Variants in CIMAP1D observed in about 807,000 individuals in gnomAD.
CIMAP1D encodes the protein protein CIMAP1D.
chr19:477,218 AGAGT>A, the CIMAP1D span, among the ~76,000 whole-genome samples: 1 of 152,198 alleles, frequency 6.6e-6, no homozygotes, highest in Non-Finnish European at 1.5e-5. Context: ...TAGGAAAACA[AGAGT>A]AAGTATAAGG....
chr19:489,584 C>T, the CIMAP1D span: 1 of 156,326 alleles, frequency 6.4e-6, no homozygotes, highest in Non-Finnish European at 1.4e-5. Context: ...TCGATCCAGC[C>T]CGGGTGTGCT....
At chr19:485,748 C>T in the CIMAP1D span, among the ~76,000 whole-genome samples, 2 of 152,232 alleles carry the variant, frequency 1.3e-5, no homozygotes, top group Non-Finnish European at 2.9e-5. Flanking sequence ...TCCCAGGAGG[C>T]CGGGTTCCTC....
chr19:476,469 C>T, the CIMAP1D span, among the ~76,000 whole-genome samples: 8 of 152,148 alleles, frequency 5.3e-5, no homozygotes, highest in Non-Finnish European at 1.0e-4. Context: ...GGATTACAAG[C>T]GTAAGCCACC....
chr19:474,378 C>T, the CIMAP1D span, among the ~76,000 whole-genome samples: 279 of 152,364 alleles, frequency 1.8e-3, no homozygotes, highest in African/African-American at 6.4e-3. Flanking sequence ...GTACCCACAG[C>T]CCCTGGAAGG....
At chr19:474,028 A>C in the CIMAP1D span, among the ~76,000 whole-genome samples, 75 of 151,716 alleles carry the variant, frequency 4.9e-4, no homozygotes, top group Non-Finnish European at 8.8e-5. Flanking sequence ...AGATGGGGAG[A>C]CTGAGGCCTG....
chr19:468,448 T>G, the CIMAP1D span, among the ~76,000 whole-genome samples: 1 of 152,122 alleles, frequency 6.6e-6, no homozygotes, highest in Non-Finnish European at 1.5e-5. Flanking sequence ...GCAGGTCGCA[T>G]GCTTAAGAGG....
the CIMAP1D span, among the ~76,000 whole-genome samples, chr19:481,033 G>GA: frequency 6.8e-6 from 1 of 147,628 alleles, no homozygotes; most frequent in Non-Finnish European, 1.5e-5. Flanking sequence ...GAGAAGGAAT[G>GA]TGGGAAGGAT....
the CIMAP1D span, chr19:490,131 G>A: frequency 5.1e-6 from 2 of 389,172 alleles, no homozygotes; most frequent in Non-Finnish European, 9.1e-6. Context: ...CGAGGCAGGT[G>A]GATCACCTGA....
the CIMAP1D span, chr19:463,479 G>C: frequency 2.4e-5 from 8 of 333,400 alleles, no homozygotes; most frequent in East Asian, 5.7e-4. Context: ...CCCAAGCTGT[G>C]ATGGGGATCC....
chr19:476,588 A>T, the CIMAP1D span, among the ~76,000 whole-genome samples: 1 of 152,222 alleles, frequency 6.6e-6, no homozygotes, highest in Non-Finnish European at 1.5e-5. Context: ...CATGTTTTAA[A>T]ATTTTTTAAT....
At chr19:487,488 G>A in the CIMAP1D span, among the ~76,000 whole-genome samples, 6 of 152,286 alleles carry the variant, frequency 3.9e-5, no homozygotes, top group Middle Eastern at 3.4e-3. Flanking sequence ...TTAAAACAAC[G>A]CTTGGCATAC....
the CIMAP1D span, chr19:467,683 A>G: frequency 1.6e-5 from 26 of 1,612,258 alleles, 1 homozygote; most frequent in African/African-American, 1.1e-4. Flanking sequence ...TGGAGTAGGC[A>G]GGGGTGCAGC....
chr19:479,193 C>G, the CIMAP1D span, among the ~76,000 whole-genome samples: 5 of 152,174 alleles, frequency 3.3e-5, no homozygotes, highest in Admixed American at 6.5e-5. Flanking sequence ...TGAGGGCCAT[C>G]ACCACCCAGG....
At chr19:487,201 G>A in the CIMAP1D span, among the ~76,000 whole-genome samples, 8 of 152,302 alleles carry the variant, frequency 5.3e-5, no homozygotes, top group African/African-American at 1.7e-4. Flanking sequence ...TGAGCCCACT[G>A]TGAAGTTCGC....
chr19:486,980 G>A, the CIMAP1D span, among the ~76,000 whole-genome samples: 1 of 152,046 alleles, frequency 6.6e-6, no homozygotes, highest in Non-Finnish European at 1.5e-5. Context: ...TCAAACTCCT[G>A]ACCTCAAGTG....
the CIMAP1D span, among the ~76,000 whole-genome samples, chr19:485,963 T>C: frequency 0.033 from 5,083 of 152,288 alleles, 139 homozygotes; most frequent in East Asian, 0.1. Flanking sequence ...CGCGCCCTGC[T>C]GCTGCCCGCC....
chr19:484,451 T>C, the CIMAP1D span, among the ~76,000 whole-genome samples: 1 of 152,184 alleles, frequency 6.6e-6, no homozygotes, highest in Admixed American at 6.5e-5. Flanking sequence ...TCTTGTTTTA[T>C]TTTTGACACA....
the CIMAP1D span, among the ~76,000 whole-genome samples, chr19:466,929 G>T: frequency 1.0e-5 from 1 of 99,928 alleles, no homozygotes; most frequent in East Asian, 2.5e-4. Context: ...ATAGATGGTT[G>T]GGTGGAGGGT....
At chr19:471,081 C>T in the CIMAP1D span, among the ~76,000 whole-genome samples, 1 of 152,258 alleles carries the variant, frequency 6.6e-6, no homozygotes, top group African/African-American at 2.4e-5. Flanking sequence ...GCCTCACACC[C>T]GACAGCACAC....
Sources: gnomAD v4.1 joint callset for allele counts (sites outside exome capture counted in the v4.1 genomes callset) on GRCh38, gnomAD v4.1.1 for gene constraint, MANE v1.5 for transcripts, NCBI Gene and HGNC (gene_info 2026-07-23, HGNC 2026-07-21) for gene names.